CORO1C: variants seen among roughly 807,000 people sequenced by gnomAD.
CORO1C encodes coronin-1C.
Under a neutral mutation model 51.2 loss-of-function variants are expected in CORO1C, and 14 were observed. That is an observed-to-expected ratio of 0.27 (90% confidence interval 0.18 to 0.43). CORO1C has a LOEUF of 0.43. CORO1C is among the 20% of genes least tolerant of loss of function. CORO1C has a pLI of 1.00. For synonymous variants in CORO1C, 181 were observed against 210.5 expected, an observed-to-expected ratio of 0.86 and a Z score of 1.21; for missense variants, 417 against 607.8, an observed-to-expected ratio of 0.69 and a Z score of 3.30.
chr12:108,688,986 G>A (rs866164564), intron 2 of CORO1C, among the ~76,000 whole-genome samples: 1 of 148,148 alleles, frequency 6.8e-6, no homozygotes, highest in African/African-American at 2.5e-5. Context: ...AGCTGAGAGC[G>A]TACCACTACA....
At chr12:108,676,497 C>A (rs929904553) in intron 3 of CORO1C, among the ~76,000 whole-genome samples, 6 of 152,078 alleles carry the variant, frequency 3.9e-5, no homozygotes, top group African/African-American at 1.4e-4. Flanking sequence ...CAGAGTTAGG[C>A]GCAGTGGCTC....
chr12:108,651,607 C>T (rs1477075154), intron 8 of CORO1C, among the ~76,000 whole-genome samples: 1 of 152,184 alleles, frequency 6.6e-6, no homozygotes, highest in Admixed American at 6.5e-5. Flanking sequence ...ACTTTTCCAT[C>T]CCCGAGCCAG....
intron 2 of CORO1C, among the ~76,000 whole-genome samples, chr12:108,699,234 G>T (rs776921387): frequency 1.3e-5 from 2 of 152,172 alleles, no homozygotes; most frequent in Non-Finnish European, 2.9e-5. Context: ...CAAATCATAA[G>T]ATCAGTTAGC....
chr12:108,656,097 T>TCTGAGAAGTGAGGAGCCCCTCC (rs2032969575), intron 6 of CORO1C, among the ~76,000 whole-genome samples: 1 of 91,684 alleles, frequency 1.1e-5, no homozygotes, highest in African/African-American at 3.9e-5. Flanking sequence ...GGAGCCCCTC[T>TCTGAGAAGTGAGGAGCCCCTCC]GCCCGGCAGC....
At chr12:108,692,484 G>C (rs939921695) in intron 2 of CORO1C, among the ~76,000 whole-genome samples, 4 of 152,238 alleles carry the variant, frequency 2.6e-5, no homozygotes, top group Admixed American at 6.5e-5. Context: ...GCAGGTGCTG[G>C]CAAAGACTGT....
intron 3 of CORO1C, among the ~76,000 whole-genome samples, chr12:108,664,947 T>C (rs780026837): frequency 6.6e-6 from 1 of 152,220 alleles, no homozygotes; most frequent in Admixed American, 6.5e-5. Flanking sequence ...CAAGATGCAC[T>C]GTGACCCCAC....
intron 1 of CORO1C, among the ~76,000 whole-genome samples, chr12:108,729,939 T>C (rs2035678533): frequency 6.6e-6 from 1 of 152,186 alleles, no homozygotes; most frequent in South Asian, 2.1e-4. Context: ...ATGAGATGCA[T>C]TATTATATAG....
intron 3 of CORO1C, among the ~76,000 whole-genome samples, chr12:108,675,449 A>G (rs1478458485): frequency 6.6e-6 from 1 of 152,202 alleles, no homozygotes; most frequent in Non-Finnish European, 1.5e-5. Flanking sequence ...GATTGAACCC[A>G]TCAAATATGT....
chr12:108,693,753 C>T (rs368228886), intron 2 of CORO1C, among the ~76,000 whole-genome samples: 1 of 152,160 alleles, frequency 6.6e-6, no homozygotes, highest in African/African-American at 2.4e-5. Context: ...TACTTCTTTG[C>T]CCTCCTAGGG....
chr12:108,661,640 T>C (rs1171148252), intron 4 of CORO1C, among the ~76,000 whole-genome samples: 2 of 152,144 alleles, frequency 1.3e-5, no homozygotes, highest in South Asian at 2.1e-4. Flanking sequence ...ATTTGCCTAA[T>C]AGGGGTCTCC....
At chr12:108,704,697 C>G (rs1332298086) in intron 1 of CORO1C, among the ~76,000 whole-genome samples, 1 of 152,186 alleles carries the variant, frequency 6.6e-6, no homozygotes, top group Non-Finnish European at 1.5e-5. Context: ...AAGGTCAAAT[C>G]TGATCTGGGC....
rs2035724894 is a variant in CORO1C at position 108,731,493 on chromosome 12, A to T, written c.-70T>A. On this transcript the variant is annotated 5_prime_UTR_variant, in exon 1 of 11. In the 5' UTR this introduces an upstream ATG that the reference lacks. Transcript: ENST00000261401. The surrounding 1 kb of genome is among the most constrained non-coding windows in gnomAD (Gnocchi z 5.2). Reference sequence around the variant, plus strand: ...GCTGCAAAGCCGGGCGAAGCCTCCAACCGCTGCCGCCTCCAGCCTGGCACT... The same window carrying T: ...GCTGCAAAGCCGGGCGAAGCCTCCATCCGCTGCCGCCTCCAGCCTGGCACT... 2.0e-5 allele frequency: 3 copies of T among 151,418 alleles called. No individual in the cohort carries two copies. Among genetic ancestry groups the T allele is most frequent in the African/African-American group, 7.3e-5 (3 of 41,166 alleles). The allele number at this position is 151,418 out of a possible 1,614,324, so 9.4% of individuals were successfully genotyped here. A position where few individuals can be genotyped will look rare whatever the true frequency, so the allele number is the denominator to read the frequency against.
At chr12:108,703,854 C>T (rs1404932103) in intron 1 of CORO1C, among the ~76,000 whole-genome samples, 1 of 152,310 alleles carries the variant, frequency 6.6e-6, no homozygotes, top group East Asian at 1.9e-4. Context: ...CCTCCAGCCC[C>T]TTGTTCCTCC....
intron 6 of CORO1C, among the ~76,000 whole-genome samples, chr12:108,655,910 G>T (rs1056868553): frequency 6.6e-6 from 1 of 151,298 alleles, no homozygotes; most frequent in Non-Finnish European, 1.5e-5. Flanking sequence ...CCTCTTCCCG[G>T]CCGCCATCCC....
At chr12:108,647,837 G>GC (rs1416576059) in intron 10 of CORO1C, among the ~76,000 whole-genome samples, 2 of 152,250 alleles carry the variant, frequency 1.3e-5, no homozygotes, top group African/African-American at 4.8e-5. Flanking sequence ...GACAAAACAG[G>GC]CTCCTTCAAC....
chr12:108,702,700 C>T (rs2034910969), intron 1 of CORO1C: 2 of 1,279,728 alleles, frequency 1.6e-6, no homozygotes, highest in Non-Finnish European at 2.1e-6. Context: ...ACATGGTGGG[C>T]TGTTGCTAAT....
chr12:108,659,103 G>A (rs889171400), intron 4 of CORO1C, among the ~76,000 whole-genome samples, 184 bp from the exon 5 acceptor site: 16 of 152,290 alleles, frequency 1.1e-4, no homozygotes, highest in Non-Finnish European at 1.3e-4. Flanking sequence ...TACTAACAGC[G>A]TTAAAAACTG....
intron 2 of CORO1C, among the ~76,000 whole-genome samples, chr12:108,695,838 C>T (rs1039301557): frequency 2.1e-5 from 3 of 143,492 alleles, no homozygotes; most frequent in Non-Finnish European, 4.5e-5. Flanking sequence ...CTATGTATCA[C>T]CCTTGGGAGA....
At chr12:108,688,020 TA>T (rs1230585299) in intron 2 of CORO1C, among the ~76,000 whole-genome samples, 1 of 151,186 alleles carries the variant, frequency 6.6e-6, no homozygotes, top group Non-Finnish European at 1.5e-5. Context: ...ACCTCCCAGG[TA>T]CAGGCGATTC....
Sources: allele counts gnomAD v4.1 joint callset (sites outside exome capture counted in the v4.1 genomes callset), GRCh38; gene constraint gnomAD v4.1.1; non-coding constraint Gnocchi (gnomAD v3.1); transcripts MANE v1.5; gene names NCBI Gene and HGNC (gene_info 2026-07-23, HGNC 2026-07-21).